ANKRD26: variants seen among roughly 807,000 people sequenced by gnomAD.
ANKRD26 encodes the protein ankyrin repeat domain 26, also known as ankyrin repeat domain-containing protein 26.
ANKRD26 carries 141 observed loss-of-function variants against 208.7 expected under a neutral mutation model. The observed-to-expected ratio is 0.68, with a 90% CI of 0.59 to 0.78. The LOEUF is 0.78. Ranked by LOEUF, ANKRD26 falls within the 30% of genes least tolerant of loss-of-function variation. ANKRD26 has a pLI of 0.00. For synonymous variants in ANKRD26, 636 were observed against 660.4 expected (o/e 0.96, Z 0.57); for missense variants, 1,889 against 1,938.7 (o/e 0.97, Z 0.48).
At position 27,048,783 on chromosome 10, in the gene ANKRD26, A is replaced by T. The variant is rs763737499; in HGVS notation, c.1814+18T>A. On this transcript the variant is annotated intron_variant, in intron 17 of 33. Coordinates refer to ENST00000376087, the MANE Select transcript of ANKRD26 (RefSeq NM_014915.3). ...GCACAATAACAATTATCTGCTGTTA[A>T]ATATGCTATCAGCTTACCTAGCATA... is the stretch of plus-strand genomic sequence containing the variant. 8.7e-6 allele frequency: 14 copies of T among 1,605,578 alleles called. No individual in the cohort carries two copies. In the Admixed American group the frequency reaches 2.3e-4, roughly 27 times the overall value.
intron 21 of ANKRD26, among the ~76,000 whole-genome samples, chr10:27,039,289 T>TA (rs1342233605): frequency 7.9e-5 from 12 of 151,650 alleles, no homozygotes; most frequent in Non-Finnish European, 5.9e-5. Context: ...CCGTCTCTAC[T>TA]AAAAAAATAC....
At chr10:27,086,716 G>T in intron 4 of ANKRD26, 107 bp from the exon 5 acceptor site, 57 of 1,096,666 alleles carry the variant, frequency 5.2e-5, no homozygotes, top group Middle Eastern at 3.6e-4. Flanking sequence ...GCTAACAGCA[G>T]AATTTTAATT....
At chr10:26,961,214 TAAA>T in the ANKRD26 span, among the ~76,000 whole-genome samples, 7 of 139,806 alleles carry the variant, frequency 5.0e-5, no homozygotes, top group Admixed American at 2.1e-4. Context: ...AGAATCCATC[TAAA>T]AAAAAAAAAA....
chr10:27,032,450 C>T (rs1218218067), intron 25 of ANKRD26, among the ~76,000 whole-genome samples: 1 of 152,132 alleles, frequency 6.6e-6, no homozygotes, highest in African/African-American at 2.4e-5. Context: ...GCCTGGCCAA[C>T]ATGGCAAAAC....
chr10:27,094,672 T>C (rs2056408687), intron 1 of ANKRD26, among the ~76,000 whole-genome samples: 1 of 152,190 alleles, frequency 6.6e-6, no homozygotes, highest in African/African-American at 2.4e-5. Context: ...TTAAATGAAA[T>C]GATACAATTA....
In ANKRD26 at chr10:27,082,076, G is replaced by GAAAAA. The variant is rs1564424246; in HGVS notation, c.740+726_740+727insTTTTT. Among the ~76,000 whole-genome samples, 285 of 38,338 alleles carry GAAAAA rather than the reference G, an allele frequency of 7.4e-3. 4 individuals carry two copies. Among genetic ancestry groups the GAAAAA allele is most frequent in the African/African-American group, 0.014 (184 of 13,372 alleles). 25.2% of individuals were successfully genotyped at this position (38,338 alleles called of 152,430 possible). ...AAAAAAAAAAAAAAAAAAAAAAAAGGGAGAGAGAGAAACAAAATCATATCC... is the reference window on the plus strand; with the variant it reads ...AAAAAAAAAAAAAAAAAAAAAAAAGGAAAAAGAGAGAGAGAAACAAAATCATATCC... On this transcript the variant is annotated intron_variant, in intron 6 of 33. Coordinates refer to ENST00000376087, the MANE Select transcript of ANKRD26 (RefSeq NM_014915.3).
chr10:26,998,607 T>C (rs1263623124), intron 4 of ANKRD26, among the ~76,000 whole-genome samples: 1 of 152,264 alleles, frequency 6.6e-6, no homozygotes, highest in Non-Finnish European at 1.5e-5. Context: ...TGGATCTTTA[T>C]GGAAGTCAGG....
chr10:26,974,099 GATA>G, exon 6 of ANKRD26, among the ~76,000 whole-genome samples: 1 of 151,830 alleles, frequency 6.6e-6, no homozygotes, highest in East Asian at 1.9e-4. Context: ...ATCCTAAAAT[GATA>G]CCCTGAATAC....
the ANKRD26 span, among the ~76,000 whole-genome samples, chr10:26,949,300 TACAG>T: frequency 5.9e-5 from 9 of 152,080 alleles, no homozygotes; most frequent in South Asian, 2.1e-4. Flanking sequence ...TTTTGGAAAA[TACAG>T]ACATTGTTTC....
At chr10:27,065,485 G>T (rs1217863452) in intron 11 of ANKRD26, among the ~76,000 whole-genome samples, 1 of 152,012 alleles carries the variant, frequency 6.6e-6, no homozygotes, top group Non-Finnish European at 1.5e-5. Context: ...CCACATTCCT[G>T]TTCCAACTTT....
At chr10:27,079,527 C>T (rs964764350) in intron 6 of ANKRD26, among the ~76,000 whole-genome samples, 6 of 152,160 alleles carry the variant, frequency 3.9e-5, no homozygotes, top group Admixed American at 2.6e-4. Flanking sequence ...ATATAACTTT[C>T]GTTACCTGAA....
chr10:27,036,672 C>T (rs369712951), intron 23 of ANKRD26, among the ~76,000 whole-genome samples: 1 of 152,202 alleles, frequency 6.6e-6, no homozygotes, highest in South Asian at 2.1e-4. Flanking sequence ...CATGGCATAT[C>T]ATTGTTTCAA....
chr10:27,074,003 G>GA (rs1258504560), intron 9 of ANKRD26, among the ~76,000 whole-genome samples: 1 of 151,388 alleles, frequency 6.6e-6, no homozygotes, highest in African/African-American at 2.4e-5. Context: ...CTCAAGGGGG[G>GA]AAAAATAAAT....
At chr10:27,084,893 T>C (rs1461289193) in intron 5 of ANKRD26, among the ~76,000 whole-genome samples, 2 of 151,312 alleles carry the variant, frequency 1.3e-5, no homozygotes, top group African/African-American at 4.8e-5. Context: ...AAAAAAAATT[T>C]CTGTACTTAC....
At chr10:26,979,661 A>G (rs1163802344) in intron 5 of ANKRD26, among the ~76,000 whole-genome samples, 1 of 152,150 alleles carries the variant, frequency 6.6e-6, no homozygotes, top group African/African-American at 2.4e-5. Flanking sequence ...TGATTATATT[A>G]ATCTTTCCCA....
downstream of ANKRD26, among the ~76,000 whole-genome samples, chr10:26,987,760 C>T (rs1164702652): frequency 6.6e-6 from 1 of 152,102 alleles, no homozygotes; most frequent in African/African-American, 2.4e-5. Context: ...TTGACAGACA[C>T]ATATTAAGTA....
Position 27,035,415 on chromosome 10 carries a change from C to T in ANKRD26, c.3035G>A (p.Arg1012Lys). ...LEAEVESYHS[R>K]LAAAIHDRDQ... ...ACGATCATGTATAGCAGCAGCCAAT[C>T]TAGAATGGTATGATTCAACTTCTGC... is the stretch of plus-strand genomic sequence containing the variant. The change falls in exon 24 of 34, where the codon AGA becomes AAA. Residue 1012 changes from arginine (R) to lysine (K), a missense_variant. Physicochemically the swap from Arg to Lys is conservative, Grantham distance 26. Coordinates refer to ENST00000376087, the MANE Select transcript of ANKRD26 (RefSeq NM_014915.3). 2 of 1,613,984 alleles carry T rather than the reference C, an allele frequency of 1.2e-6. No homozygotes were observed. The highest frequency in any genetic ancestry group is 1.1e-5 in the South Asian group (1 of 91,074).
intron 6 of ANKRD26, chr10:27,080,708 G>A: frequency 1.0e-6 from 1 of 985,428 alleles, no homozygotes; most frequent in Non-Finnish European, 1.2e-6. Context: ...AGCCTATGAA[G>A]GCACAAATTC....
At chr10:27,000,177 T>G (rs150109341), downstream of ANKRD26, among the ~76,000 whole-genome samples, 1 of 152,174 alleles carries the variant, frequency 6.6e-6, no homozygotes, top group Admixed American at 6.5e-5. Flanking sequence ...AGGACCCAGA[T>G]AGACCATGCC....
Sources: allele counts gnomAD v4.1 joint callset (sites outside exome capture counted in the v4.1 genomes callset), GRCh38; gene constraint gnomAD v4.1.1; transcripts MANE v1.5; gene names NCBI Gene and HGNC (gene_info 2026-07-23, HGNC 2026-07-21).